RIN2: variants seen among roughly 807,000 people sequenced by gnomAD.
RIN2 encodes Ras and Rab interactor 2.
In RIN2, 36 loss-of-function variants were observed where a neutral mutation model predicts 78.0. The observed-to-expected ratio is 0.46, with a 90% CI of 0.35 to 0.61. The LOEUF is 0.61. RIN2 is among the 20% of genes least tolerant of loss of function. The pLI, the probability that RIN2 is intolerant of heterozygous loss-of-function variation, is 0.00. For synonymous variants in RIN2, 466 were observed against 466.8 expected, an observed-to-expected ratio of 1.00 and a Z score of 0.02; for missense variants, 1,087 against 1,159.7, an observed-to-expected ratio of 0.94 and a Z score of 0.91.
chr20:19,790,793 T>C (rs549520777), intron 1 of RIN2, among the ~76,000 whole-genome samples: 3 of 152,292 alleles, frequency 2.0e-5, no homozygotes, highest in African/African-American at 7.2e-5. Flanking sequence ...TTACTTGCCC[T>C]AAATGGTCCT....
intron 2 of RIN2, among the ~76,000 whole-genome samples, chr20:19,844,175 T>G (rs2036664045): frequency 1.3e-5 from 2 of 152,118 alleles, no homozygotes; most frequent in Admixed American, 1.3e-4. Context: ...TGGAAACAGT[T>G]TGTAATTTCA....
chr20:19,857,032 A>G (rs994783354), intron 2 of RIN2, among the ~76,000 whole-genome samples: 6 of 152,332 alleles, frequency 3.9e-5, no homozygotes, highest in African/African-American at 1.2e-4. Context: ...TGTACAGCCC[A>G]GTGAACTTTA....
intron 2 of RIN2, among the ~76,000 whole-genome samples, chr20:19,868,901 T>C (rs1184072001): frequency 1.3e-5 from 2 of 151,946 alleles, no homozygotes; most frequent in Non-Finnish European, 2.9e-5. Flanking sequence ...GCCAACATCG[T>C]GAAACCTTGT....
Position 19,823,963 on chromosome 20 carries a change from G to A in RIN2, c.-37+24216G>A, listed in dbSNP as rs549027444. ...CAGCATGGTGGAGGCAGCTGGTGTC[G>A]GATGAACCCGGATTCAGGACGACCG... is the stretch of plus-strand genomic sequence containing the variant. On this transcript the variant is annotated intron_variant, in intron 2 of 12. Coordinates refer to ENST00000255006, the MANE Select transcript of RIN2 (RefSeq NM_018993.4). 1,057 of 1,400,810 alleles carry A rather than the reference G, an allele frequency of 7.5e-4. 19 individuals are homozygous for A. The South Asian group carries it at 0.012, about 16-fold the overall frequency. 86.8% of individuals were successfully genotyped at this position (1,400,810 alleles called of 1,614,324 possible).
intron 4 of RIN2, among the ~76,000 whole-genome samples, chr20:19,941,164 T>G (rs1029179403): frequency 6.6e-6 from 1 of 152,198 alleles, no homozygotes; most frequent in Admixed American, 6.5e-5. Flanking sequence ...AATGTTACAA[T>G]GTAGCAGCTG....
chr20:19,930,988 T>C (rs1389428865), intron 3 of RIN2, among the ~76,000 whole-genome samples: 1 of 152,198 alleles, frequency 6.6e-6, no homozygotes, highest in Non-Finnish European at 1.5e-5. Flanking sequence ...GTGGTGCCTA[T>C]CTGCAATCCC....
At chr20:19,794,532 C>CAAA (rs10530809) in intron 1 of RIN2, among the ~76,000 whole-genome samples, 6 of 88,558 alleles carry the variant, frequency 6.8e-5, no homozygotes, top group East Asian at 3.5e-4. Context: ...ACCCTGTATC[C>CAAA]AAAAAAAAAA....
chr20:19,764,916 GCGTTTTT>G (rs1183075914), intron 1 of RIN2, among the ~76,000 whole-genome samples: 22 of 35,362 alleles, frequency 6.2e-4, no homozygotes, highest in South Asian at 1.0e-3. Flanking sequence ...TTCACTTTCT[GCGTTTTT>G]TTTTTTTTTT....
chr20:19,769,918 A>G (rs1466679603), intron 1 of RIN2, among the ~76,000 whole-genome samples: 1 of 152,244 alleles, frequency 6.6e-6, no homozygotes, highest in Non-Finnish European at 1.5e-5. Flanking sequence ...AATAAAAATA[A>G]TTATTGTAAG....
At chr20:19,896,483 T>C (rs2038732818) in intron 3 of RIN2, among the ~76,000 whole-genome samples, 1 of 152,206 alleles carries the variant, frequency 6.6e-6, no homozygotes, top group Non-Finnish European at 1.5e-5. Context: ...GCCATAGAGA[T>C]GAATGTTGCC....
intron 2 of RIN2, among the ~76,000 whole-genome samples, chr20:19,810,478 A>G (rs940562658): frequency 2.0e-5 from 3 of 151,998 alleles, no homozygotes; most frequent in Admixed American, 6.5e-5. Context: ...GTGGGTCACA[A>G]TGTGAGCGCT....
chr20:19,978,855 G>A lies in RIN2; in HGVS notation c.1762+3068G>A, dbSNP rs193266855. Among the ~76,000 whole-genome samples, 3 of 152,358 alleles carry A rather than the reference G, an allele frequency of 2.0e-5. No homozygotes were observed. In the East Asian group the frequency reaches 5.8e-4, roughly 29 times the overall value. ...GAACAGACAAATGCTTTAATAAGAA[G>A]TGTGCAGTTTGGGGGCCCTACTTAA... On this transcript the variant is annotated intron_variant, in intron 9 of 12. Transcript: ENST00000255006.
At chr20:19,862,689 G>A (rs912983443) in intron 2 of RIN2, among the ~76,000 whole-genome samples, 3 of 152,210 alleles carry the variant, frequency 2.0e-5, no homozygotes, top group Non-Finnish European at 4.4e-5. Flanking sequence ...AATAAAGTCT[G>A]TCTTACCAGG....
At chr20:19,941,622 T>C (rs1287131997) in intron 4 of RIN2, among the ~76,000 whole-genome samples, 1 of 152,168 alleles carries the variant, frequency 6.6e-6, no homozygotes, top group East Asian at 1.9e-4. Flanking sequence ...AACAGGTTTA[T>C]GGTGAGACAT....
chr20:19,807,791 G>A (rs1256682508), intron 2 of RIN2, among the ~76,000 whole-genome samples: 1 of 152,162 alleles, frequency 6.6e-6, no homozygotes, highest in Non-Finnish European at 1.5e-5. Context: ...CCTTTTCTGT[G>A]CTTCTCTCAA....
At position 19,895,136 on chromosome 20, in the gene RIN2, G is replaced by T. The variant is rs147963747; in HGVS notation, c.57+5478G>T. ...TCCACTGACAACAGAGCTCACATGG[G>T]CTGGGCTGGTATCTTCCTTTAGTTT... On this transcript the variant is annotated intron_variant, in intron 3 of 12. Coordinates refer to ENST00000255006, the MANE Select transcript of RIN2 (RefSeq NM_018993.4). Among the ~76,000 whole-genome samples the T allele has an allele frequency of 3.7e-3, 569 of 152,254 alleles. 3 individuals carry two copies. Among genetic ancestry groups the T allele is most frequent in the Middle Eastern group, 0.017 (5 of 294 alleles).
At chr20:19,897,491 A>T (rs777724011) in intron 3 of RIN2, among the ~76,000 whole-genome samples, 1 of 152,126 alleles carries the variant, frequency 6.6e-6, no homozygotes, top group Non-Finnish European at 1.5e-5. Flanking sequence ...AGCTGGTCTA[A>T]ATCCCTTCCT....
intron 1 of RIN2, among the ~76,000 whole-genome samples, chr20:19,781,478 C>T (rs2034503272): frequency 1.3e-5 from 2 of 152,160 alleles, no homozygotes; most frequent in South Asian, 4.1e-4. Context: ...GTACCCTTTA[C>T]CAAGTGACAC....
intron 3 of RIN2, among the ~76,000 whole-genome samples, chr20:19,915,678 CTAAT>C (rs1025500130): frequency 1.3e-5 from 2 of 152,166 alleles, no homozygotes; most frequent in African/African-American, 2.4e-5. Flanking sequence ...CTCAGAGTAA[CTAAT>C]CATCTTCACA....
Sources: allele counts gnomAD v4.1 joint callset (sites outside exome capture counted in the v4.1 genomes callset), GRCh38; gene constraint gnomAD v4.1.1; transcripts MANE v1.5; gene names NCBI Gene and HGNC (gene_info 2026-07-23, HGNC 2026-07-21).